Variants in FYB2 observed in about 807,000 individuals in gnomAD.
FYB2 encodes the protein FYN binding protein 2, also known as FYN-binding protein 2.
FYB2 carries 103 observed loss-of-function variants against 94.1 expected under a neutral mutation model. That is an observed-to-expected ratio of 1.09 (90% confidence interval 0.93 to 1.29). FYB2 has a LOEUF of 1.29. FYB2 is among the 50% of genes most tolerant of loss of function. FYB2 has a pLI of 0.00. For synonymous variants in FYB2, 293 were observed against 287.9 expected, an observed-to-expected ratio of 1.02 and a Z score of -0.18; for missense variants, 896 against 841.5, an observed-to-expected ratio of 1.06 and a Z score of -0.80.
intron 4 of FYB2, among the ~76,000 whole-genome samples, chr1:56,777,968 A>T (rs896174901): frequency 2.0e-5 from 3 of 152,004 alleles, no homozygotes; most frequent in South Asian, 2.1e-4. Flanking sequence ...TAATTTTTTT[A>T]AAAAAAGAAC....
chr1:56,758,413 T>C (rs557042610), intron 6 of FYB2, among the ~76,000 whole-genome samples: 2 of 152,172 alleles, frequency 1.3e-5, no homozygotes, highest in East Asian at 3.9e-4. Context: ...CAAACCTGGA[T>C]TGTGCCATAG....
chr1:56,739,785 G>GA (rs956809591), intron 13 of FYB2, among the ~76,000 whole-genome samples: 13 of 152,080 alleles, frequency 8.5e-5, no homozygotes, highest in African/African-American at 3.1e-4. Flanking sequence ...CTTTGTGTTA[G>GA]ATGCTTTTGC....
At chr1:56,746,701 A>G (rs1476007198) in intron 9 of FYB2, among the ~76,000 whole-genome samples, 1 of 151,944 alleles carries the variant, frequency 6.6e-6, no homozygotes, top group East Asian at 1.9e-4. Context: ...TCTACTTTTT[A>G]TGGGCATCTG....
Position 56,719,242 on chromosome 1 carries a change from T to C in FYB2, c.*429A>G, listed in dbSNP as rs1383251003. 2 of 158,130 alleles carry C rather than the reference T, an allele frequency of 1.3e-5. No homozygotes were observed. The highest frequency in any genetic ancestry group is 1.4e-5 in the Non-Finnish European group (1 of 71,656). The allele number at this position is 158,130 out of a possible 1,614,324, so 9.8% of individuals were successfully genotyped here. On this transcript the variant is annotated 3_prime_UTR_variant, in exon 20 of 20. Coordinates refer to ENST00000343433, the MANE Select transcript of FYB2 (RefSeq NM_001004303.5). ...AAAAGACCTTGGTTACACTGTTTAC[T>C]GTTCAGAATTAAATTATACCAAGTT...
At chr1:56,826,125 C>A in the FYB2 span, among the ~76,000 whole-genome samples, 1 of 152,214 alleles carries the variant, frequency 6.6e-6, no homozygotes, top group Non-Finnish European at 1.5e-5. Flanking sequence ...TCTAGCTTCA[C>A]CTCAGGAGAT....
chr1:56,763,155 C>T (rs1418810408), intron 5 of FYB2, among the ~76,000 whole-genome samples: 1 of 152,106 alleles, frequency 6.6e-6, no homozygotes, highest in African/African-American at 2.4e-5. Flanking sequence ...TTGCTGAATT[C>T]TATTTGCTAA....
At chr1:56,805,694 T>C (rs1646629967) in intron 1 of FYB2, among the ~76,000 whole-genome samples, 1 of 152,200 alleles carries the variant, frequency 6.6e-6, no homozygotes, top group African/African-American at 2.4e-5. Flanking sequence ...GGGAGGTAAT[T>C]GAATCACGGG....
At chr1:56,793,439 A>T (rs759837549) in intron 1 of FYB2, among the ~76,000 whole-genome samples, 3 of 152,172 alleles carry the variant, frequency 2.0e-5, no homozygotes, top group Non-Finnish European at 2.9e-5. Flanking sequence ...ATGCAAAAAA[A>T]ATATAACTCC....
At chr1:56,758,393 C>G (rs941977529) in intron 6 of FYB2, among the ~76,000 whole-genome samples, 1 of 152,038 alleles carries the variant, frequency 6.6e-6, no homozygotes, top group African/African-American at 2.4e-5. Flanking sequence ...GGTCTGAAAG[C>G]CAGGATATAC....
At chr1:56,778,792 T>C (rs1645941758) in intron 4 of FYB2, among the ~76,000 whole-genome samples, 1 of 152,198 alleles carries the variant, frequency 6.6e-6, no homozygotes, top group African/African-American at 2.4e-5. Context: ...CATTGCCTCA[T>C]ACCATATTTG....
intron 1 of FYB2, among the ~76,000 whole-genome samples, chr1:56,797,081 T>C (rs989703708): frequency 2.0e-5 from 3 of 152,122 alleles, no homozygotes; most frequent in African/African-American, 7.2e-5. Context: ...GCAAACCTGG[T>C]TGCCAAGCAG....
At chr1:56,744,345 G>A (rs1645024155) in intron 9 of FYB2, 79 bp from the exon 10 acceptor site, 2 of 1,047,550 alleles carry the variant, frequency 1.9e-6, no homozygotes. Context: ...ACTGGCAGTG[G>A]AGGCAAGCAT....
chr1:56,730,130 G>C (rs1188358018), intron 15 of FYB2, among the ~76,000 whole-genome samples: 2 of 146,062 alleles, frequency 1.4e-5, no homozygotes, highest in African/African-American at 5.5e-5. Context: ...ATTAGAAAAG[G>C]AAGAACAAAC....
At chr1:56,750,647 G>C (rs1381318324) in intron 9 of FYB2, among the ~76,000 whole-genome samples, 1 of 151,910 alleles carries the variant, frequency 6.6e-6, no homozygotes, top group African/African-American at 2.4e-5. Context: ...ATGATGATGT[G>C]AGCCTAGACA....
chr1:56,823,423 A>G, upstream of FYB2, among the ~76,000 whole-genome samples: 1 of 152,226 alleles, frequency 6.6e-6, no homozygotes, highest in East Asian at 1.9e-4. Flanking sequence ...CGTATAAGGT[A>G]TACAATTATT....
At chr1:56,775,551 A>G (rs1251370107) in intron 4 of FYB2, among the ~76,000 whole-genome samples, 1 of 152,162 alleles carries the variant, frequency 6.6e-6, no homozygotes, top group African/African-American at 2.4e-5. Context: ...AATAGATACT[A>G]TTATTCTTTC....
intron 1 of FYB2, among the ~76,000 whole-genome samples, chr1:56,796,917 C>G (rs987573483): frequency 1.3e-5 from 2 of 152,162 alleles, no homozygotes; most frequent in Admixed American, 6.5e-5. Context: ...GCACTAGGCA[C>G]TAGGGTTACA....
upstream of FYB2, among the ~76,000 whole-genome samples, chr1:56,821,850 G>A (rs1646994823): frequency 6.6e-6 from 1 of 152,196 alleles, no homozygotes; most frequent in African/African-American, 2.4e-5. Flanking sequence ...GGAGGGTGAA[G>A]GCAGAAGAGG....
chr1:56,766,672 C>T (rs1645631466), intron 5 of FYB2, among the ~76,000 whole-genome samples: 2 of 152,236 alleles, frequency 1.3e-5, no homozygotes, highest in Non-Finnish European at 2.9e-5. Context: ...CTCCTGATAT[C>T]GTGATCCGCC....
Sources: gnomAD v4.1 joint callset for allele counts (sites outside exome capture counted in the v4.1 genomes callset) on GRCh38, gnomAD v4.1.1 for gene constraint, MANE v1.5 for transcripts, NCBI Gene and HGNC (gene_info 2026-07-23, HGNC 2026-07-21) for gene names.